Variants in WWOX observed in about 807,000 individuals in gnomAD.
WWOX encodes the protein WW domain-containing oxidoreductase.
Under a neutral mutation model 46.2 loss-of-function variants are expected in WWOX, and 69 were observed. The observed-to-expected ratio is 1.49, with a 90% CI of 1.23 to 1.82. The LOEUF (loss-of-function observed/expected upper bound fraction) is 1.82, where lower values mean the gene tolerates loss of function less well. Among genes scored for constraint, WWOX ranks in the 40% most tolerant of loss-of-function variants. WWOX has a pLI of 0.00. For synonymous variants in WWOX, 359 were observed against 202.6 expected, an observed-to-expected ratio of 1.77 and a Z score of -6.56; for missense variants, 919 against 542.6, an observed-to-expected ratio of 1.69 and a Z score of -6.89.
intron 8 of WWOX, among the ~76,000 whole-genome samples, chr16:78,643,972 C>T (rs1597387707): frequency 6.6e-6 from 1 of 152,134 alleles, no homozygotes; most frequent in Admixed American, 6.5e-5. Context: ...CCTGTAATCC[C>T]AGCGCTTTGG....
chr16:79,174,788 A>G (rs1379416507), intron 8 of WWOX, among the ~76,000 whole-genome samples: 1 of 152,254 alleles, frequency 6.6e-6, no homozygotes, highest in East Asian at 1.9e-4. Flanking sequence ...TAATAAGTAT[A>G]TATTTGATAA....
chr16:78,662,531 C>G (rs994433491), intron 8 of WWOX, among the ~76,000 whole-genome samples: 1 of 152,090 alleles, frequency 6.6e-6, no homozygotes, highest in Non-Finnish European at 1.5e-5. Flanking sequence ...GCCCTTTGGA[C>G]CAGTTGCAAG....
At chr16:78,289,168 A>G (rs13333906) in intron 5 of WWOX, among the ~76,000 whole-genome samples, 1 of 151,990 alleles carries the variant, frequency 6.6e-6, no homozygotes, top group African/African-American at 2.4e-5. Context: ...CAGCGTCACT[A>G]TGCCAGTCTG....
intron 8 of WWOX, chr16:79,004,409 G>C (rs1414468227): frequency 6.6e-6 from 1 of 152,240 alleles, no homozygotes; most frequent in African/African-American, 2.4e-5. Flanking sequence ...CCCTGGAGTG[G>C]AGGAACAGAG....
intron 5 of WWOX, among the ~76,000 whole-genome samples, chr16:78,348,647 G>T (rs1387742408): frequency 8.4e-6 from 1 of 118,572 alleles, no homozygotes; most frequent in African/African-American, 2.9e-5. Flanking sequence ...CTGTAGAGAC[G>T]GGCTTTCCCC....
At chr16:78,466,120 C>T (rs1044987718) in intron 8 of WWOX, among the ~76,000 whole-genome samples, 6 of 152,058 alleles carry the variant, frequency 3.9e-5, no homozygotes, top group African/African-American at 1.2e-4. Flanking sequence ...CAAGCTCCGC[C>T]TCCCAGGTTA....
chr16:78,864,754 C>CT (rs57606576), intron 8 of WWOX, among the ~76,000 whole-genome samples: 5,735 of 86,888 alleles, frequency 0.066, 992 homozygotes, highest in Non-Finnish European at 0.1. Context: ...TCTCCAACTC[C>CT]TTTTTTTTTT....
intron 8 of WWOX, among the ~76,000 whole-genome samples, chr16:78,749,250 G>C (rs1030409851): frequency 3.3e-5 from 5 of 152,048 alleles, no homozygotes; most frequent in African/African-American, 1.2e-4. Context: ...GGTAGATCCT[G>C]CATTTTACAA....
At chr16:78,918,483 G>A (rs566733139) in intron 8 of WWOX, among the ~76,000 whole-genome samples, 10 of 152,108 alleles carry the variant, frequency 6.6e-5, no homozygotes, top group Non-Finnish European at 1.2e-4. Context: ...CAGGACCCAC[G>A]TCTTTTGTCT....
chr16:78,144,519 ATATAT>A (rs750934972), intron 4 of WWOX, among the ~76,000 whole-genome samples: 4,401 of 34,554 alleles, frequency 0.13, 721 homozygotes, highest in East Asian at 0.26. Context: ...ATATATATAT[ATATAT>A]TTTTTTTTTT....
At chr16:79,049,756 A>T (rs2048131623) in intron 8 of WWOX, among the ~76,000 whole-genome samples, 1 of 149,708 alleles carries the variant, frequency 6.7e-6, no homozygotes, top group Non-Finnish European at 1.5e-5. Context: ...AATTGCTTGA[A>T]CCTGGGAGGT....
At chr16:79,028,189 T>C (rs913361503) in intron 8 of WWOX, among the ~76,000 whole-genome samples, 4 of 151,750 alleles carry the variant, frequency 2.6e-5, no homozygotes, top group African/African-American at 9.7e-5. Flanking sequence ...GACCTCATGA[T>C]CCACCTGCCT....
intron 8 of WWOX, among the ~76,000 whole-genome samples, chr16:79,043,863 AGTACCTC>A (rs2048018027): frequency 6.6e-6 from 1 of 152,218 alleles, no homozygotes; most frequent in Non-Finnish European, 1.5e-5. Context: ...CTGGAAGTGG[AGTACCTC>A]TGGCCTCCAA....
intron 8 of WWOX, among the ~76,000 whole-genome samples, chr16:78,779,241 C>G (rs982818160): frequency 2.0e-5 from 3 of 152,182 alleles, no homozygotes; most frequent in African/African-American, 4.8e-5. Context: ...GCCTCCCTGG[C>G]TCAAGGGATC....
At chr16:78,363,825 G>C (rs2081468358) in intron 5 of WWOX, among the ~76,000 whole-genome samples, 1 of 152,126 alleles carries the variant, frequency 6.6e-6, no homozygotes, top group South Asian at 2.1e-4. Flanking sequence ...GATGAGGTTG[G>C]AGAGCAGGAA....
chr16:78,467,237 T>G (rs1404437519), intron 8 of WWOX, among the ~76,000 whole-genome samples: 1 of 152,206 alleles, frequency 6.6e-6, no homozygotes, highest in African/African-American at 2.4e-5. Flanking sequence ...GGCAGAGGGC[T>G]TTTTTCTGAT....
intron 8 of WWOX, among the ~76,000 whole-genome samples, chr16:79,153,084 G>A (rs574341048): frequency 1.3e-5 from 2 of 152,250 alleles, no homozygotes; most frequent in South Asian, 2.1e-4. Context: ...CACAGGGCAG[G>A]AAAATCCAAA....
chr16:79,161,889 G>A (rs1053530629), intron 8 of WWOX, among the ~76,000 whole-genome samples: 16 of 152,148 alleles, frequency 1.1e-4, no homozygotes, highest in Admixed American at 3.3e-4. Flanking sequence ...TTTCTTTGAG[G>A]GGAAATATGA....
intron 8 of WWOX, among the ~76,000 whole-genome samples, chr16:79,102,657 A>G (rs370109521): frequency 1.1e-4 from 17 of 152,300 alleles, no homozygotes; most frequent in African/African-American, 3.8e-4. Context: ...TACCTAGGAA[A>G]GAGCCAGGCA....
Sources: allele counts gnomAD v4.1 joint callset (sites outside exome capture counted in the v4.1 genomes callset), GRCh38; gene constraint gnomAD v4.1.1; transcripts MANE v1.5; gene names NCBI Gene and HGNC (gene_info 2026-07-23, HGNC 2026-07-21).